Variants in RCC1L observed in about 807,000 individuals in gnomAD.
RCC1L encodes RCC1 like, also known as RCC1-like G exchanging factor-like protein.
A neutral mutation model predicts 58.6 loss-of-function variants in RCC1L; 46 were observed. The observed-to-expected ratio is 0.79, with a 90% CI of 0.62 to 1.00. RCC1L has a LOEUF of 1.00. Among genes scored for constraint, RCC1L ranks in the 50% least tolerant of loss-of-function variants. RCC1L has a pLI of 0.00. For synonymous variants in RCC1L, 281 were observed against 262.9 expected (o/e 1.07, Z -0.67); for missense variants, 636 against 623.6 (o/e 1.02, Z -0.21).
Position 75,057,613 on chromosome 7 carries a change from T to TA in RCC1L, c.972_973insT (p.Asn325Ter). ...GAGAAGTGTAAGCAGCGGGGCACAT[T>TA]CACCTGAACCAAAGAAAGGAGCCAC... On this transcript the variant is annotated frameshift_variant, in exon 8 of 11. Coordinates refer to ENST00000610322, the MANE Select transcript of RCC1L (RefSeq NM_030798.5). LOFTEE classifies it high-confidence loss of function. 6.2e-7 allele frequency: 1 copy of TA among 1,613,884 alleles called. No individual in the cohort carries two copies. Among genetic ancestry groups the TA allele is most frequent in the South Asian group, 1.1e-5 (1 of 91,070 alleles).
intron 6 of RCC1L, among the ~76,000 whole-genome samples, chr7:75,060,691 A>G (rs909772811): frequency 1.3e-5 from 2 of 152,138 alleles, no homozygotes; most frequent in Admixed American, 6.6e-5. Context: ...TCGGCCTCCC[A>G]AAGTGCTGGG....
chr7:75,044,185 C>A (rs1359834414), intron 10 of RCC1L, among the ~76,000 whole-genome samples: 4 of 152,192 alleles, frequency 2.6e-5, no homozygotes, highest in East Asian at 1.9e-4. Context: ...AGGGCCATAG[C>A]CAATCCAGCT....
intron 5 of RCC1L, among the ~76,000 whole-genome samples, chr7:75,062,809 T>A (rs1306236612): frequency 6.6e-6 from 1 of 152,040 alleles, no homozygotes; most frequent in Non-Finnish European, 1.5e-5. Context: ...AAATCTGTTT[T>A]TTTTTGAGAC....
At chr7:75,039,388 G>T (rs1002795868), downstream of RCC1L, among the ~76,000 whole-genome samples, 1 of 152,228 alleles carries the variant, frequency 6.6e-6, no homozygotes, top group Non-Finnish European at 1.5e-5. Flanking sequence ...AGTCAGCGCA[G>T]AAGTATTTCC....
chr7:75,064,560 G>A (rs1185987959), intron 4 of RCC1L, 22 bp downstream of exon 4: 1 of 1,613,180 alleles, frequency 6.2e-7, no homozygotes, highest in African/African-American at 1.3e-5. Context: ...CATGGGGAAG[G>A]GTAGGCCTTT....
chr7:75,073,145 T>C (rs1435671166), intron 1 of RCC1L, among the ~76,000 whole-genome samples: 4 of 152,174 alleles, frequency 2.6e-5, no homozygotes, highest in Non-Finnish European at 5.9e-5. Flanking sequence ...GGCCTCCCCT[T>C]CCTTCCCTGT....
intron 10 of RCC1L, among the ~76,000 whole-genome samples, chr7:75,044,062 G>C (rs1002683823): frequency 2.0e-5 from 3 of 152,154 alleles, no homozygotes; most frequent in Non-Finnish European, 4.4e-5. Flanking sequence ...AGCTTCAAGG[G>C]AGCAAGAAGA....
In RCC1L at chr7:75,043,097, C is replaced by T; in HGVS notation, c.1330G>A (p.Gly444Arg). ...QYFPWRVTMP[G>R]EPVDVACGVD... ...CCACATGCCACGTCCACAGGCTCCC[C>T]AGGCATCGTCACCTGAAAAATAAGA... The change falls in exon 11 of 11, where the codon GGG (glycine) becomes AGG (arginine). Residue 444 changes from glycine (G) to arginine (R), a missense_variant. Transcript: ENST00000610322. 1 of 1,614,048 alleles carries T rather than the reference C, an allele frequency of 6.2e-7. No homozygotes were observed. Among genetic ancestry groups the T allele is most frequent in the East Asian group, 2.2e-5 (1 of 44,880 alleles).
At chr7:75,045,805 C>T (rs1158787865) in intron 10 of RCC1L, among the ~76,000 whole-genome samples, 1 of 152,230 alleles carries the variant, frequency 6.6e-6, no homozygotes, top group African/African-American at 2.4e-5. Context: ...TGAGCCGCTG[C>T]ACCTGGCCTT....
At chr7:75,029,608 T>C (rs1805244119) in intron 10 of RCC1L, among the ~76,000 whole-genome samples, 1 of 152,014 alleles carries the variant, frequency 6.6e-6, no homozygotes, top group Non-Finnish European at 1.5e-5. Flanking sequence ...CCTCCCAAAG[T>C]GCTGGGATTA....
At chr7:75,032,947 C>T (rs1805344361) in intron 10 of RCC1L, among the ~76,000 whole-genome samples, 1 of 151,814 alleles carries the variant, frequency 6.6e-6, no homozygotes, top group African/African-American at 2.4e-5. Flanking sequence ...TGGCGGGTGC[C>T]TGTAATCCCA....
chr7:75,049,361 A>C (rs1554443103), intron 10 of RCC1L, among the ~76,000 whole-genome samples: 1 of 152,058 alleles, frequency 6.6e-6, no homozygotes, highest in Non-Finnish European at 1.5e-5. Context: ...AAAACAAATA[A>C]ATATAAATAA....
chr7:75,032,278 CAG>C (rs1173568178), intron 10 of RCC1L, among the ~76,000 whole-genome samples: 3 of 152,146 alleles, frequency 2.0e-5, no homozygotes, highest in Non-Finnish European at 4.4e-5. Flanking sequence ...AGGGAAGGGT[CAG>C]GGGCTGGTTG....
At chr7:75,048,576 G>C (rs1172537205) in intron 10 of RCC1L, among the ~76,000 whole-genome samples, 1 of 152,250 alleles carries the variant, frequency 6.6e-6, no homozygotes, top group Non-Finnish European at 1.5e-5. Context: ...AGAGAGAATG[G>C]ACATCACGTG....
chr7:75,052,952 AG>A (rs1805960828), intron 9 of RCC1L, among the ~76,000 whole-genome samples, 156 bp from the exon 10 acceptor site: 1 of 151,624 alleles, frequency 6.6e-6, no homozygotes, highest in Non-Finnish European at 1.5e-5. Context: ...TGAAGGCAAA[AG>A]TAAGGGTCTG....
intron 10 of RCC1L, among the ~76,000 whole-genome samples, chr7:75,034,583 C>T (rs909900690): frequency 6.6e-6 from 1 of 152,126 alleles, no homozygotes; most frequent in African/African-American, 2.4e-5. Flanking sequence ...TGGAGGTCTT[C>T]GCCTTGTAAA....
At chr7:75,048,348 C>T (rs1289074150) in intron 10 of RCC1L, among the ~76,000 whole-genome samples, 3 of 151,954 alleles carry the variant, frequency 2.0e-5, no homozygotes, top group African/African-American at 4.8e-5. Flanking sequence ...TAGAAGTCAG[C>T]GAGCTCCCCA....
rs1554443845 is a variant in RCC1L at position 75,055,892 on chromosome 7, G to A, written c.1231+9C>T. 1 of 1,613,978 alleles carries A rather than the reference G, an allele frequency of 6.2e-7. No homozygotes were observed. Among genetic ancestry groups the A allele is most frequent in the Non-Finnish European group, 8.5e-7 (1 of 1,179,866 alleles). ...GCTCACACCAGGGCCACCGGGCTTG[G>A]TAACTTACTGGTCAGTGCAGCAAAG... On this transcript the variant is annotated intron_variant, in intron 9 of 10. Transcript: ENST00000610322.
chr7:75,056,830 C>T (rs1369399257), intron 8 of RCC1L: 1 of 1,163,506 alleles, frequency 8.6e-7, no homozygotes, highest in Non-Finnish European at 1.2e-6. Flanking sequence ...TAGTCCCTTC[C>T]TTTTTTGAAA....
Sources: gnomAD v4.1 joint callset for allele counts (sites outside exome capture counted in the v4.1 genomes callset) on GRCh38, gnomAD v4.1.1 for gene constraint, MANE v1.5 for transcripts, NCBI Gene and HGNC (gene_info 2026-07-23, HGNC 2026-07-21) for gene names.